The following KPNA3 variants were observed in gnomAD, a reference collection of about 807,000 sequenced individuals.
KPNA3 encodes the protein karyopherin subunit alpha 3, also known as importin subunit alpha-4.
A neutral mutation model predicts 73.8 loss-of-function variants in KPNA3; 13 were observed. The ratio of observed to expected loss-of-function variants is 0.18; its 90% CI spans 0.11 to 0.28. The LOEUF (loss-of-function observed/expected upper bound fraction) is 0.28. Ranked by LOEUF, KPNA3 falls within the 10% of genes least tolerant of loss-of-function variation. KPNA3 has a pLI of 1.00. For synonymous variants in KPNA3, 186 were observed against 206.9 expected, an observed-to-expected ratio of 0.90 and a Z score of 0.87; for missense variants, 360 against 618.1, an observed-to-expected ratio of 0.58 and a Z score of 4.43.
At chr13:49,717,231 C>T (rs1057331138) in intron 10 of KPNA3, among the ~76,000 whole-genome samples, 3 of 152,012 alleles carry the variant, frequency 2.0e-5, no homozygotes, top group African/African-American at 7.2e-5. Context: ...GCAGTCATTA[C>T]AAGATAAACT....
intron 15 of KPNA3, among the ~76,000 whole-genome samples, chr13:49,702,917 A>G (rs1024460148): frequency 2.6e-5 from 4 of 152,134 alleles, no homozygotes; most frequent in Non-Finnish European, 5.9e-5. Flanking sequence ...GCTGGAGTGC[A>G]GAGTGCAGAG....
intron 1 of KPNA3, among the ~76,000 whole-genome samples, chr13:49,762,258 C>A (rs1381734470): frequency 6.6e-6 from 1 of 151,458 alleles, no homozygotes; most frequent in African/African-American, 2.4e-5. Flanking sequence ...GGGGGCGCCT[C>A]CGCCCGGCCA....
intron 1 of KPNA3, among the ~76,000 whole-genome samples, chr13:49,779,577 A>G (rs1057467774): frequency 3.9e-5 from 6 of 152,176 alleles, no homozygotes; most frequent in African/African-American, 1.4e-4. Context: ...TTTCTAACCA[A>G]GTCCTCAGGT....
At chr13:49,777,057 A>C (rs1339150764) in intron 1 of KPNA3, among the ~76,000 whole-genome samples, 1 of 152,188 alleles carries the variant, frequency 6.6e-6, no homozygotes, top group Non-Finnish European at 1.5e-5. Flanking sequence ...CATCCTTCTC[A>C]GTCTACTGAA....
chr13:49,776,184 G>A (rs1013732080), intron 1 of KPNA3, among the ~76,000 whole-genome samples: 10 of 152,148 alleles, frequency 6.6e-5, no homozygotes, highest in Admixed American at 5.9e-4. Context: ...CCAAAGTGCT[G>A]GGATTATATG....
At chr13:49,767,008 T>A (rs190589583) in intron 1 of KPNA3, among the ~76,000 whole-genome samples, 197 of 151,816 alleles carry the variant, frequency 1.3e-3, no homozygotes, top group Admixed American at 3.3e-3. Context: ...TTTTTTTTTT[T>A]TTTTTTATAA....
chr13:49,765,470 AT>A (rs1466233610), intron 1 of KPNA3, among the ~76,000 whole-genome samples: 1 of 152,112 alleles, frequency 6.6e-6, no homozygotes, highest in Non-Finnish European at 1.5e-5. Context: ...TTTTTAGTGT[AT>A]TTCACTGAGT....
chr13:49,725,626 T>C (rs1954402276), intron 6 of KPNA3, 125 bp from the exon 7 acceptor site: 5 of 539,956 alleles, frequency 9.3e-6, no homozygotes, highest in African/African-American at 5.9e-5. Flanking sequence ...TATAATCCAA[T>C]TGCCTGCTAG....
chr13:49,717,440 GAAAAAAAA>G, intron 10 of KPNA3, among the ~76,000 whole-genome samples: 1 of 126,930 alleles, frequency 7.9e-6, no homozygotes, highest in East Asian at 2.5e-4. Context: ...GGAAAAAAAA[GAAAAAAAA>G]AAAAAAAAGA....
intron 2 of KPNA3, among the ~76,000 whole-genome samples, chr13:49,737,758 T>C (rs997615319): frequency 1.3e-5 from 2 of 152,262 alleles, no homozygotes; most frequent in South Asian, 2.1e-4. Context: ...ACAGGTGTTA[T>C]GCCACTGCAC....
At chr13:49,789,490 C>G (rs1955015379) in intron 1 of KPNA3, among the ~76,000 whole-genome samples, 1 of 152,104 alleles carries the variant, frequency 6.6e-6, no homozygotes, top group Non-Finnish European at 1.5e-5. Context: ...CTTATTCTTG[C>G]ACCTAACATC....
chr13:49,737,647 G>C (rs1407107393), intron 2 of KPNA3, among the ~76,000 whole-genome samples: 1 of 150,844 alleles, frequency 6.6e-6, no homozygotes, highest in Non-Finnish European at 1.5e-5. Flanking sequence ...GCCCAGGCTA[G>C]AGTGCAGTGA....
chr13:49,782,159 G>A (rs1594464186), intron 1 of KPNA3, among the ~76,000 whole-genome samples: 1 of 152,278 alleles, frequency 6.6e-6, no homozygotes, highest in Admixed American at 6.5e-5. Flanking sequence ...CCCACCATAA[G>A]ATAGCCAATG....
intron 15 of KPNA3, among the ~76,000 whole-genome samples, chr13:49,704,428 AAATAAAAAATAAAT>A (rs1954182960): frequency 2.3e-5 from 2 of 85,602 alleles, no homozygotes; most frequent in African/African-American, 3.8e-5. Context: ...AAAAATAAAT[AAATAAAAAATAAAT>A]AAATAAATAA....
intron 6 of KPNA3, among the ~76,000 whole-genome samples, chr13:49,728,469 T>C (rs1329827015): frequency 3.9e-5 from 6 of 152,142 alleles, no homozygotes; most frequent in Admixed American, 3.3e-4. Context: ...GTCAAAACCA[T>C]TGTGCCCAGA....
intron 1 of KPNA3, among the ~76,000 whole-genome samples, chr13:49,777,661 C>G (rs1954908245): frequency 7.0e-6 from 1 of 142,454 alleles, no homozygotes; most frequent in South Asian, 2.3e-4. Context: ...ACAATGCACC[C>G]AGATGATTTT....
chr13:49,750,036 T>C (rs9591296), intron 1 of KPNA3, among the ~76,000 whole-genome samples: 18,144 of 152,222 alleles, frequency 0.12, 2,172 homozygotes, highest in East Asian at 0.58. Flanking sequence ...TATCTATTTT[T>C]AGTCCACTCT....
At chr13:49,781,305 G>A (rs1021378181) in intron 1 of KPNA3, among the ~76,000 whole-genome samples, 1 of 152,126 alleles carries the variant, frequency 6.6e-6, no homozygotes, top group Admixed American at 6.6e-5. Context: ...AGGTAGAGTA[G>A]GAAAATGGCT....
chr13:49,781,189 C>T (rs545974014), intron 1 of KPNA3, among the ~76,000 whole-genome samples: 1 of 152,190 alleles, frequency 6.6e-6, no homozygotes, highest in Admixed American at 6.5e-5. Context: ...GTGATTCTTT[C>T]CCCATGTGCC....
Sources: gnomAD v4.1 joint callset for allele counts (sites outside exome capture counted in the v4.1 genomes callset) on GRCh38, gnomAD v4.1.1 for gene constraint, MANE v1.5 for transcripts, NCBI Gene and HGNC (gene_info 2026-07-23, HGNC 2026-07-21) for gene names.